The following COL6A6 variants were observed in gnomAD, a reference collection of about 807,000 sequenced individuals.
COL6A6 encodes collagen alpha-6(VI) chain.
COL6A6 carries 183 observed loss-of-function variants against 208.6 expected under a neutral mutation model. The ratio of observed to expected loss-of-function variants is 0.88; its 90% CI spans 0.78 to 0.99. The LOEUF is 0.99. Among genes scored for constraint, COL6A6 ranks in the 50% least tolerant of loss-of-function variants. The pLI is 0.00. For missense variants in COL6A6, 2,816 were observed against 2,815.2 expected, an observed-to-expected ratio of 1.00 and a Z score of -0.01; for synonymous variants, 973 against 1,011.8, an observed-to-expected ratio of 0.96 and a Z score of 0.73.
chr3:130,649,041 C>A, intron 32 of COL6A6, 28 bp from the exon 33 acceptor site: 2 of 1,422,424 alleles, frequency 1.4e-6, no homozygotes, highest in Non-Finnish European at 9.2e-7. Context: ...AATAAGGATG[C>A]TATGTGTTAA....
intron 1 of COL6A6, among the ~76,000 whole-genome samples, chr3:130,519,445 A>G (rs1044164030): frequency 1.3e-5 from 2 of 152,236 alleles, no homozygotes; most frequent in Non-Finnish European, 2.9e-5. Context: ...GTCCTAAGAA[A>G]TAAGTAGGAA....
intron 2 of COL6A6, among the ~76,000 whole-genome samples, chr3:130,562,224 A>G (rs959537166): frequency 1.3e-5 from 2 of 152,226 alleles, no homozygotes; most frequent in African/African-American, 4.8e-5. Context: ...ATATCATGTA[A>G]AAATGTAGTA....
chr3:130,645,330 TCA>T (rs1222776490), intron 32 of COL6A6, among the ~76,000 whole-genome samples: 1 of 152,220 alleles, frequency 6.6e-6, no homozygotes, highest in African/African-American at 2.4e-5. Context: ...ACATGCTCTG[TCA>T]CACAGGCTGA....
chr3:130,546,605 A>G (rs1248393603), intron 1 of COL6A6, among the ~76,000 whole-genome samples: 1 of 152,198 alleles, frequency 6.6e-6, no homozygotes, highest in East Asian at 1.9e-4. Flanking sequence ...TGATTGGTCC[A>G]TTTTACAGAG....
At chr3:130,673,442 CAAAG>C (rs1228149768) in intron 36 of COL6A6, among the ~76,000 whole-genome samples, 1 of 147,010 alleles carries the variant, frequency 6.8e-6, no homozygotes, top group Non-Finnish European at 1.5e-5. Context: ...TAAAAGAAAA[CAAAG>C]GACCTAACGG....
intron 1 of COL6A6, among the ~76,000 whole-genome samples, chr3:130,523,161 A>G (rs1358430664): frequency 6.6e-6 from 1 of 151,830 alleles, no homozygotes; most frequent in Non-Finnish European, 1.5e-5. Context: ...ACCTCCTGCC[A>G]CTTGCATTTT....
intron 1 of COL6A6, among the ~76,000 whole-genome samples, chr3:130,544,882 T>A (rs759267761): frequency 2.0e-4 from 30 of 152,200 alleles, no homozygotes; most frequent in Non-Finnish European, 2.5e-4. Context: ...TCAGGTTTCT[T>A]CTATCCAATT....
intron 8 of COL6A6, among the ~76,000 whole-genome samples, chr3:130,578,180 G>A (rs115051483): frequency 0.021 from 3,238 of 152,158 alleles, 54 homozygotes; most frequent in Non-Finnish European, 0.03. Flanking sequence ...CTCATCTGAT[G>A]TATCTATCAT....
intron 1 of COL6A6, among the ~76,000 whole-genome samples, chr3:130,559,292 T>G (rs1331319780): frequency 6.6e-6 from 1 of 152,242 alleles, no homozygotes; most frequent in African/African-American, 2.4e-5. Context: ...GCTCACTGGT[T>G]ACAACTTGAA....
At chr3:130,663,062 T>A (rs764470352) in intron 35 of COL6A6, among the ~76,000 whole-genome samples, 39 of 152,276 alleles carry the variant, frequency 2.6e-4, no homozygotes, top group Admixed American at 6.5e-4. Context: ...GCAGTCCAGA[T>A]ACAGAAAAAT....
At position 130,565,301 on chromosome 3, in the gene COL6A6, G is replaced by A. The variant is rs1485477947; in HGVS notation, c.969G>A (p.Arg323=). 1 of 1,614,002 alleles carries A rather than the reference G, an allele frequency of 6.2e-7. No individual in the cohort carries two copies. Among genetic ancestry groups the A allele is most frequent in the East Asian group, 2.2e-5 (1 of 44,876 alleles). The change falls in exon 4 of 37, where the codon CGG becomes CGA. Residue 323 remains arginine, a synonymous_variant. Transcript: ENST00000358511. ...KKLRKEVFSA[R]NGSRKNQGVP... is the part of the protein sequence containing the mutation. ...TCAGGAAGGAAGTTTTTAGTGCACG[G>A]AATGGCAGTCGGAAGAATCAGGGGG...
chr3:130,543,340 G>T (rs1161917807), intron 1 of COL6A6, among the ~76,000 whole-genome samples: 1 of 152,180 alleles, frequency 6.6e-6, no homozygotes, highest in Non-Finnish European at 1.5e-5. Context: ...ACATTCAAAT[G>T]ATTATTGATA....
rs770762904 is a variant in COL6A6, at chr3:130,571,152, C to T, written c.2736C>T (p.Pro912=). 1.2e-5 allele frequency: 20 copies of T among 1,613,506 alleles called. No homozygotes were observed. The East Asian group carries it at 2.0e-4, about 16-fold the overall frequency. Reference sequence around the variant, plus strand: ...GCAGCCGCCTGAACAAGGGGGTCCCCCAAGTCCTCATTGTGATCACCGATG... The same window carrying T: ...GCAGCCGCCTGAACAAGGGGGTCCCTCAAGTCCTCATTGTGATCACCGATG... ...ARGSRLNKGV[P]QVLIVITDGE... The change falls in exon 7 of 37, where the codon CCC becomes CCT. Residue 912 remains proline, a synonymous_variant. Transcript: ENST00000358511.
intron 1 of COL6A6, among the ~76,000 whole-genome samples, chr3:130,559,265 CCTG>C (rs2062829435): frequency 6.6e-6 from 1 of 152,312 alleles, no homozygotes; most frequent in South Asian, 2.1e-4. Context: ...CACATTGCCT[CCTG>C]ACATCTTTTT....
chr3:130,578,196 A>G (rs1322912210), intron 8 of COL6A6, among the ~76,000 whole-genome samples: 4 of 152,156 alleles, frequency 2.6e-5, no homozygotes. Context: ...ATCATTATGG[A>G]TAGATGAATC....
chr3:130,604,414 G>T (rs1035158727), intron 20 of COL6A6, among the ~76,000 whole-genome samples: 21 of 150,580 alleles, frequency 1.4e-4, no homozygotes, highest in Non-Finnish European at 3.1e-4. Flanking sequence ...AGAATGGCGT[G>T]AACCCGGGAA....
intron 34 of COL6A6, among the ~76,000 whole-genome samples, chr3:130,661,150 A>T (rs151246299): frequency 1.2e-3 from 181 of 152,362 alleles, no homozygotes; most frequent in Middle Eastern, 3.4e-3. Context: ...AGGATCACTC[A>T]TAGGTAGACA....
chr3:130,576,287 A>G (rs2063294000), intron 8 of COL6A6, among the ~76,000 whole-genome samples: 1 of 152,118 alleles, frequency 6.6e-6, no homozygotes, highest in Non-Finnish European at 1.5e-5. Flanking sequence ...CTCCTTGCGT[A>G]TATGTGTGTG....
intron 1 of COL6A6, among the ~76,000 whole-genome samples, chr3:130,535,542 T>TC (rs1433414896): frequency 1.5e-4 from 22 of 147,490 alleles, no homozygotes. Context: ...TGAGTGATTC[T>TC]TTTTTTTTTT....
Sources: gnomAD v4.1 joint callset for allele counts (sites outside exome capture counted in the v4.1 genomes callset) on GRCh38, gnomAD v4.1.1 for gene constraint, MANE v1.5 for transcripts, NCBI Gene and HGNC (gene_info 2026-07-23, HGNC 2026-07-21) for gene names.